Variants in ST6GALNAC5 observed in about 807,000 individuals in gnomAD.
The protein encoded by ST6GALNAC5 is alpha-N-acetylgalactosaminide alpha-2,6-sialyltransferase 5.
A neutral mutation model predicts 33.6 loss-of-function variants in ST6GALNAC5; 27 were observed. The ratio of observed to expected loss-of-function variants is 0.80; its 90% CI spans 0.59 to 1.11. The LOEUF (loss-of-function observed/expected upper bound fraction) is 1.11, where lower values mean the gene tolerates loss of function less well. Ranked by LOEUF, ST6GALNAC5 falls within the 50% of genes least tolerant of loss-of-function variation. The probability of loss-of-function intolerance (pLI) is 0.00; values close to 1 mark genes in which losing one functional copy is unlikely to be tolerated. For missense variants in ST6GALNAC5, 428 were observed against 454.0 expected, an observed-to-expected ratio of 0.94 and a Z score of 0.52; for synonymous variants, 194 against 171.2, an observed-to-expected ratio of 1.13 and a Z score of -1.04.
rs764946134 is a variant in ST6GALNAC5 at position 77,044,355 on chromosome 1, G to A, written c.413G>A (p.Arg138His). Residue 138 changes from arginine to histidine, a missense_variant, in exon 3 of 5, where the codon CGC becomes CAC. Coordinates refer to ENST00000477717, the MANE Select transcript of ST6GALNAC5 (RefSeq NM_030965.3). Reference sequence around the variant, plus strand: ...GGCTATGGGCGTGACGTGGGCAATCGCACCAGCCTGAGGGTCATCGCGCAT... The same window carrying A: ...GGCTATGGGCGTGACGTGGGCAATCACACCAGCCTGAGGGTCATCGCGCAT... ...TRGYGRDVGN[R>H]TSLRVIAHSS... The A allele has an allele frequency of 4.6e-5, 74 of 1,613,746 alleles. 1 individual carries two copies. Among genetic ancestry groups the A allele is most frequent in the East Asian group, 4.5e-4 (20 of 44,856 alleles).
chr1:76,978,230 T>G (rs1042507632), intron 2 of ST6GALNAC5, among the ~76,000 whole-genome samples: 1 of 152,202 alleles, frequency 6.6e-6, no homozygotes, highest in African/African-American at 2.4e-5. Context: ...TAACCCCTTG[T>G]TAGATGCATA....
intron 2 of ST6GALNAC5, among the ~76,000 whole-genome samples, chr1:76,989,801 G>A (rs1049998589): frequency 6.6e-6 from 1 of 151,984 alleles, no homozygotes; most frequent in Non-Finnish European, 1.5e-5. Flanking sequence ...TCCCATTAGG[G>A]TAGAAGGTCA....
intron 2 of ST6GALNAC5, among the ~76,000 whole-genome samples, chr1:77,019,671 A>G (rs140808489): frequency 1.1e-4 from 17 of 152,318 alleles, no homozygotes; most frequent in Admixed American, 8.5e-4. Context: ...TCATGCTGAT[A>G]TGAGTAGCAG....
At chr1:76,962,909 G>C (rs1214995463) in intron 2 of ST6GALNAC5, among the ~76,000 whole-genome samples, 3 of 152,118 alleles carry the variant, frequency 2.0e-5, no homozygotes, top group Non-Finnish European at 4.4e-5. Flanking sequence ...TTTACCAAGA[G>C]CATTGAAGGA....
chr1:77,027,427 G>A (rs564329265), intron 2 of ST6GALNAC5, among the ~76,000 whole-genome samples: 1 of 152,116 alleles, frequency 6.6e-6, no homozygotes, highest in Non-Finnish European at 1.5e-5. Context: ...GCCAAGCTCT[G>A]TAAATAAGAC....
chr1:76,999,275 G>A (rs886620848), intron 2 of ST6GALNAC5, among the ~76,000 whole-genome samples: 1 of 152,106 alleles, frequency 6.6e-6, no homozygotes, highest in Non-Finnish European at 1.5e-5. Flanking sequence ...TCCTTTAAAT[G>A]GCCAATATCT....
chr1:76,987,331 C>G (rs74597084), intron 2 of ST6GALNAC5, among the ~76,000 whole-genome samples: 3 of 152,028 alleles, frequency 2.0e-5, no homozygotes, highest in African/African-American at 7.2e-5. Context: ...GCCAAACACA[C>G]GAGAAGATTT....
intron 2 of ST6GALNAC5, among the ~76,000 whole-genome samples, chr1:76,965,127 A>T (rs1226600472): frequency 2.0e-5 from 3 of 152,160 alleles, no homozygotes; most frequent in Admixed American, 6.5e-5. Flanking sequence ...ATACCCAGTA[A>T]TAGGATGGCT....
At chr1:77,000,876 G>T (rs967299762) in intron 2 of ST6GALNAC5, among the ~76,000 whole-genome samples, 2 of 152,148 alleles carry the variant, frequency 1.3e-5, no homozygotes, top group African/African-American at 2.4e-5. Context: ...CCAGTACCAT[G>T]CTGTTTTGGT....
In ST6GALNAC5 at chr1:77,050,309, A is replaced by C. The variant is rs1652178085; in HGVS notation, c.723A>C (p.Ala241=). 6.2e-7 allele frequency: 1 copy of C among 1,614,096 alleles called. No homozygotes were observed. The highest frequency in any genetic ancestry group is 8.5e-7 in the Non-Finnish European group (1 of 1,179,960). The stretch of plus-strand genomic sequence containing the variant: ...CTGGCTGGTTTACAATGACAATTGC[A>C]CTGGAGCTCTGTGACAGGATCAATG... ...LSTGWFTMTI[A]LELCDRINVY... Residue 241 remains alanine, a synonymous_variant, in exon 4 of 5, where the codon GCA becomes GCC. Transcript: ENST00000477717.
chr1:76,950,366 G>T (rs934021151), intron 2 of ST6GALNAC5, among the ~76,000 whole-genome samples: 16 of 152,066 alleles, frequency 1.1e-4, no homozygotes, highest in African/African-American at 3.9e-4. Context: ...TGTATTATAT[G>T]TAATATATAT....
intron 2 of ST6GALNAC5, among the ~76,000 whole-genome samples, chr1:76,915,699 G>A (rs1229532287): frequency 1.4e-5 from 2 of 142,870 alleles, no homozygotes; most frequent in Non-Finnish European, 3.0e-5. Context: ...GTTGTGGGGT[G>A]AGGGGAGGGG....
chr1:76,987,466 T>C lies in ST6GALNAC5; in HGVS notation c.262-56738T>C, dbSNP rs548359199. 5.9e-5 allele frequency among the ~76,000 whole-genome samples: 9 copies of C among 152,154 alleles called. No homozygotes were observed. In the East Asian group the frequency reaches 1.5e-3, roughly 26 times the overall value. ...AAGTGTTGGCAAGGATGTGGGAAAA[T>C]TGGAACCCTCATACGTTGCTGGTCA... On this transcript the variant is annotated intron_variant, in intron 2 of 4. Transcript: ENST00000477717.
intron 4 of ST6GALNAC5, among the ~76,000 whole-genome samples, chr1:77,057,235 T>G (rs746179089): frequency 3.9e-5 from 6 of 152,206 alleles, no homozygotes; most frequent in African/African-American, 4.8e-5. Flanking sequence ...TTCTGCATAG[T>G]CCAGCCCCAA....
At chr1:77,027,629 G>A (rs1047492197) in intron 2 of ST6GALNAC5, among the ~76,000 whole-genome samples, 3 of 152,184 alleles carry the variant, frequency 2.0e-5, no homozygotes, top group Middle Eastern at 3.4e-3. Context: ...TTGAGGAGAA[G>A]GAAAGGGAGG....
chr1:76,905,140 C>G (rs1041749618), intron 2 of ST6GALNAC5, among the ~76,000 whole-genome samples: 76 of 152,012 alleles, frequency 5.0e-4, no homozygotes, highest in African/African-American at 1.7e-3. Context: ...AACTAAATAC[C>G]CTTGTTGTTG....
chr1:76,902,557 G>C (rs1290300785), intron 2 of ST6GALNAC5, among the ~76,000 whole-genome samples: 1 of 152,060 alleles, frequency 6.6e-6, no homozygotes, highest in Non-Finnish European at 1.5e-5. Flanking sequence ...GGAATTGCAG[G>C]GGACTCAGAA....
intron 2 of ST6GALNAC5, among the ~76,000 whole-genome samples, chr1:77,042,768 T>A (rs1473212085): frequency 2.0e-5 from 3 of 152,210 alleles, no homozygotes; most frequent in African/African-American, 7.2e-5. Flanking sequence ...TTCAAAGGGC[T>A]CAATCGAATA....
At chr1:77,015,636 C>T (rs1332276559) in intron 2 of ST6GALNAC5, among the ~76,000 whole-genome samples, 2 of 152,002 alleles carry the variant, frequency 1.3e-5, no homozygotes, top group Non-Finnish European at 2.9e-5. Flanking sequence ...AGAGCTGAAG[C>T]GGTTGAAGTG....
Sources: gnomAD v4.1 joint callset for allele counts (sites outside exome capture counted in the v4.1 genomes callset) on GRCh38, gnomAD v4.1.1 for gene constraint, MANE v1.5 for transcripts, NCBI Gene and HGNC (gene_info 2026-07-23, HGNC 2026-07-21) for gene names.